Variants in GATA2 observed in about 807,000 individuals in gnomAD.
GATA2 encodes the protein endothelial transcription factor GATA-2.
A neutral mutation model predicts 35.7 loss-of-function variants in GATA2; 6 were observed. The observed-to-expected ratio is 0.17, with a 90% CI of 0.09 to 0.33. GATA2 has a LOEUF of 0.33. Among genes scored for constraint, GATA2 ranks in the 10% least tolerant of loss-of-function variants. The probability of loss-of-function intolerance (pLI) is 1.00; values close to 1 mark genes in which losing one functional copy is unlikely to be tolerated. For synonymous variants in GATA2, 313 were observed against 274.9 expected (o/e 1.14, Z -1.37); for missense variants, 541 against 656.6 (o/e 0.82, Z 1.92).
chr3:128,484,779 TGCTGGGGCCAGCGGGG>T (rs1427033371), intron 3 of GATA2, among the ~76,000 whole-genome samples: 3 of 151,886 alleles, frequency 2.0e-5, no homozygotes, highest in East Asian at 1.9e-4. Context: ...GCTCAGCGGG[TGCTGGGGCCAGCGGGG>T]GCTGGGGCTG....
intron 2 of GATA2, 119 bp from the exon 3 acceptor site, chr3:128,486,487 A>G (rs2068701954): frequency 7.8e-7 from 1 of 1,274,214 alleles, no homozygotes; most frequent in African/African-American, 1.5e-5. Flanking sequence ...TCCCCTCCCC[A>G]AAGAAAGCCA....
chr3:128,482,950 G>A (rs929580115), intron 4 of GATA2, among the ~76,000 whole-genome samples: 1 of 152,224 alleles, frequency 6.6e-6, no homozygotes, highest in Non-Finnish European at 1.5e-5. Flanking sequence ...ACAGCCCCAG[G>A]CCCAAGCCTG....
chr3:128,482,026 TCC>T (rs2068637585), intron 4 of GATA2, 82 bp from the exon 5 acceptor site: 1 of 1,560,228 alleles, frequency 6.4e-7, no homozygotes, highest in African/African-American at 1.4e-5. Flanking sequence ...CCACCCCCAG[TCC>T]CCACCAGCTC....
At chr3:128,481,378 C>T in intron 5 of GATA2, 60 bp from the exon 6 acceptor site, 3 of 1,573,428 alleles carry the variant, frequency 1.9e-6, no homozygotes, top group Non-Finnish European at 2.6e-6. Flanking sequence ...ATTCCTCCCA[C>T]CCCGCCACAG....
At chr3:128,490,771 A>G (rs2107676565) in intron 1 of GATA2, 1 of 152,362 alleles carries the variant, frequency 6.6e-6, no homozygotes, top group East Asian at 1.9e-4. Context: ...CGCAGCCCCC[A>G]GAATCTGCTG....
intron 1 of GATA2, among the ~76,000 whole-genome samples, chr3:128,491,220 CTCT>C (rs756139533): frequency 0.03 from 3,315 of 112,080 alleles, 319 homozygotes; most frequent in Admixed American, 0.11. Flanking sequence ...CCCCCCCCCC[CTCT>C]GAGCCCTTTG....
chr3:128,486,318 C>T lies in GATA2; in HGVS notation c.280G>A (p.Gly94Ser), dbSNP rs1357122451. The change falls in exon 3 of 6, where the codon GGT (glycine) becomes AGT (serine). Residue 94 changes from glycine to serine, a missense_variant. This residue lies in a region of GATA2 where 389 missense variants were observed against 396.9 expected (regional missense o/e 0.98). Coordinates refer to ENST00000341105, the MANE Select transcript of GATA2 (RefSeq NM_032638.5). ...TTGCCCCCGTCCAGCCAGGGCAAAC[C>T]CGGGCTGTGCAACAAGTGTGGGCGG... ...MCRPHLLHSP[G>S]LPWLDGGKAA... 1 of 1,598,186 alleles carries T rather than the reference C, an allele frequency of 6.3e-7. No individual in the cohort carries two copies. Among genetic ancestry groups the T allele is most frequent in the South Asian group, 1.1e-5 (1 of 87,868 alleles).
rs2107667184 is a variant in GATA2 at position 128,480,489 on chromosome 3, T to C, written c.*530A>G. On this transcript the variant is annotated 3_prime_UTR_variant, in exon 6 of 6. Coordinates refer to ENST00000341105, the MANE Select transcript of GATA2 (RefSeq NM_032638.5). ...CCCTGGGCCGTGGCCACTCTGGCTT[T>C]GGCTCAGCCCAGCCTGGAGTTCGGC... 1 of 240,470 alleles carries C rather than the reference T, an allele frequency of 4.2e-6. No homozygotes were observed. Among genetic ancestry groups the C allele is most frequent in the Middle Eastern group, 1.2e-3 (1 of 816 alleles). 14.9% of individuals were successfully genotyped at this position (240,470 alleles called of 1,614,324 possible).
rs1559987757 is a variant in GATA2 at position 128,486,373 on chromosome 3, G to GGGCAAAGAGAGAAA, written c.230-6_230-5insTTTCTCTCTTTGCC. On this transcript the variant is annotated splice_region_variant and splice_polypyrimidine_tract_variant and intron_variant, in intron 2 of 5. Transcript: ENST00000341105. ...TCTGGCCTCCGGTCAGGCGGGCTGC[G>GGGCAAAGAGAGAAA]GGCAAAGAGAGAGAGGATCAGGGTG... 6.3e-7 allele frequency: 1 copy of GGGCAAAGAGAGAAA among 1,597,626 alleles called. No homozygotes were observed. The highest frequency in any genetic ancestry group is 1.1e-5 in the South Asian group (1 of 88,704).
intron 1 of GATA2, among the ~76,000 whole-genome samples, chr3:128,490,894 C>T (rs1162247737): frequency 6.6e-6 from 1 of 152,180 alleles, no homozygotes; most frequent in Non-Finnish European, 1.5e-5. Context: ...TTTTTCAGTA[C>T]TTTGTTCGTT....
intron 1 of GATA2, among the ~76,000 whole-genome samples, chr3:128,491,834 A>G (rs989062468): frequency 1.3e-5 from 2 of 152,066 alleles, no homozygotes; most frequent in African/African-American, 4.8e-5. Context: ...CCCGGAGACA[A>G]TCGGGCCGTG....
At chr3:128,483,008 G>A (rs2068650290) in intron 4 of GATA2, among the ~76,000 whole-genome samples, 1 of 152,218 alleles carries the variant, frequency 6.6e-6, no homozygotes, top group Non-Finnish European at 1.5e-5. Context: ...AGGGAGGGGT[G>A]AGTAAGCAGC....
At position 128,485,866 on chromosome 3, in the gene GATA2, G is replaced by A. The variant is rs954005309; in HGVS notation, c.732C>T (p.His244=). ...CATAGGAGGGGTAGGTGGGGATGGGGTGGTGTGTAGCAGGCTGGGTGCCCA... is the reference window on the plus strand; with the variant it reads ...CATAGGAGGGGTAGGTGGGGATGGGATGGTGTGTAGCAGGCTGGGTGCCCA... The part of the protein sequence containing the change: ...ATMGTQPATH[H]PIPTYPSYVP... Residue 244 remains histidine, a synonymous_variant, in exon 3 of 6, where the codon CAC becomes CAT. Transcript: ENST00000341105. The A allele has an allele frequency of 1.9e-6, 3 of 1,614,000 alleles. No individual in the cohort carries two copies. The highest frequency in any genetic ancestry group is 1.1e-5 in the South Asian group (1 of 91,092).
intron 1 of GATA2, chr3:128,490,203 T>C (rs900369538): frequency 2.0e-5 from 3 of 152,282 alleles, no homozygotes; most frequent in Admixed American, 1.3e-4. Flanking sequence ...ACTGCGGTAG[T>C]GGAGGTGGCC....
chr3:128,486,266 T>A lies in GATA2; in HGVS notation c.332A>T (p.His111Leu), dbSNP rs1576749129. Residue 111 changes from histidine to leucine, a missense_variant, in exon 3 of 6, where the codon CAC (histidine) becomes CTC (leucine). By Grantham distance (99) the His-to-Leu change is moderately conservative. This residue lies in a region of GATA2 where 389 missense variants were observed against 396.9 expected (regional missense o/e 0.98). Transcript: ENST00000341105. The stretch of plus-strand genomic sequence containing the variant: ...GCTCACGGTCCAGGGGTTGTGGTGG[T>A]GGGCCGCAGCGGCAGAGAGGGCTGC... ...GKAALSAAAAHHHNPWTVSPF... is the reference protein window; with the variant it reads ...GKAALSAAAALHHNPWTVSPF... 2 of 1,571,544 alleles carry A rather than the reference T, an allele frequency of 1.3e-6. No individual in the cohort carries two copies. The highest frequency in any genetic ancestry group is 1.9e-5 in the Admixed American group (1 of 52,024).
intron 4 of GATA2, among the ~76,000 whole-genome samples, chr3:128,482,455 C>T (rs1188038831): frequency 6.6e-6 from 1 of 152,210 alleles, no homozygotes; most frequent in African/African-American, 2.4e-5. Flanking sequence ...AACACTGTAG[C>T]AGCTGGCCAC....
At chr3:128,487,249 G>A (rs985687084) in intron 1 of GATA2, among the ~76,000 whole-genome samples, 173 bp from the exon 2 acceptor site, 2 of 152,204 alleles carry the variant, frequency 1.3e-5, no homozygotes, top group Non-Finnish European at 2.9e-5. Context: ...CGGGGGAGGG[G>A]GTTCAGCCAC....
At chr3:128,481,691 GCTCA>G (rs2068630600) in intron 5 of GATA2, 124 bp downstream of exon 5, 1 of 1,151,612 alleles carries the variant, frequency 8.7e-7, no homozygotes, top group Non-Finnish European at 1.2e-6. Flanking sequence ...CCCTTCTGGC[GCTCA>G]CTCAGGGCAG....
chr3:128,482,522 C>A (rs1021156818), intron 4 of GATA2, among the ~76,000 whole-genome samples: 1 of 152,172 alleles, frequency 6.6e-6, no homozygotes, highest in African/African-American at 2.4e-5. Flanking sequence ...AACCCAGTTC[C>A]CTCAATTGCA....
Sources: allele counts gnomAD v4.1 joint callset (sites outside exome capture counted in the v4.1 genomes callset), GRCh38; gene constraint gnomAD v4.1.1; regional missense constraint gnomAD v4.1.1; transcripts MANE v1.5; gene names NCBI Gene and HGNC (gene_info 2026-07-23, HGNC 2026-07-21).